The following PPFIBP1 variants were observed in gnomAD, a reference collection of about 807,000 sequenced individuals.
PPFIBP1 encodes liprin-beta-1.
PPFIBP1 carries 112 observed loss-of-function variants against 137.8 expected under a neutral mutation model. The observed-to-expected ratio is 0.81, with a 90% CI of 0.70 to 0.95. The LOEUF (loss-of-function observed/expected upper bound fraction) is 0.95, where lower values mean the gene tolerates loss of function less well. Ranked by LOEUF, PPFIBP1 falls within the 40% of genes least tolerant of loss-of-function variation. The pLI, the probability that PPFIBP1 is intolerant of heterozygous loss-of-function variation, is 0.00. For synonymous variants in PPFIBP1, 378 were observed against 417.3 expected (o/e 0.91, Z 1.15); for missense variants, 1,083 against 1,196.6 (o/e 0.91, Z 1.40).
At chr12:27,670,038 G>A (rs767422459) in intron 13 of PPFIBP1, among the ~76,000 whole-genome samples, 9 of 152,160 alleles carry the variant, frequency 5.9e-5, no homozygotes, top group Non-Finnish European at 1.0e-4. Context: ...TCACTGGTGT[G>A]AGTCTTTATC....
chr12:27,676,403 T>C, intron 17 of PPFIBP1, 25 bp from the exon 18 acceptor site: 1 of 1,451,012 alleles, frequency 6.9e-7, no homozygotes, highest in Non-Finnish European at 9.1e-7. Context: ...TGAGAGCTGT[T>C]TCACTATTCT....
chr12:27,559,883 G>A (rs747885330), intron 1 of PPFIBP1, among the ~76,000 whole-genome samples: 4 of 152,230 alleles, frequency 2.6e-5, no homozygotes, highest in Non-Finnish European at 4.4e-5. Context: ...ATTTTCTAGA[G>A]AGGACATATA....
At chr12:27,649,488 A>G (rs2139594959) in intron 6 of PPFIBP1, among the ~76,000 whole-genome samples, 1 of 152,352 alleles carries the variant, frequency 6.6e-6, no homozygotes, top group Non-Finnish European at 1.5e-5. Flanking sequence ...CTCCCTCAGT[A>G]AACTGACATG....
chr12:27,581,152 C>T (rs191578820), intron 2 of PPFIBP1, among the ~76,000 whole-genome samples: 2 of 152,250 alleles, frequency 1.3e-5, no homozygotes, highest in Admixed American at 1.3e-4. Flanking sequence ...ACCTTGGCCT[C>T]CCACAGTGCT....
At chr12:27,663,624 T>C (rs1481502585) in intron 11 of PPFIBP1, among the ~76,000 whole-genome samples, 1 of 152,126 alleles carries the variant, frequency 6.6e-6, no homozygotes, top group Non-Finnish European at 1.5e-5. Flanking sequence ...ACAGATTACT[T>C]GAGCCCAGGA....
Position 27,682,624 on chromosome 12 carries a change from A to T in PPFIBP1, c.2168A>T (p.Asp723Val), listed in dbSNP as rs764760166. 1.2e-6 allele frequency: 2 copies of T among 1,614,152 alleles called. No homozygotes were observed. The highest frequency in any genetic ancestry group is 2.2e-5 in the South Asian group (2 of 91,090). Reference sequence around the variant, plus strand: ...GGCCTCTCTCTTTTAGGATGGTTGGATGACATTGGCCTCCCTCAATATAAG... The same window carrying T: ...GGCCTCTCTCTTTTAGGATGGTTGGTTGACATTGGCCTCCCTCAATATAAG... ...LDFNWVTRWL[D>V]DIGLPQYKTQ... The change falls in exon 24 of 30, where the codon GAT (aspartate) becomes GTT (valine). Residue 723 changes from aspartate to valine, a missense_variant. Transcript: ENST00000228425.
intron 1 of PPFIBP1, among the ~76,000 whole-genome samples, chr12:27,542,746 C>T (rs1321539974): frequency 6.6e-6 from 1 of 152,138 alleles, no homozygotes; most frequent in Admixed American, 6.6e-5. Context: ...GTGGATAAGT[C>T]ATCTGCATCT....
chr12:27,577,986 G>A (rs1328853014), intron 1 of PPFIBP1, among the ~76,000 whole-genome samples, 166 bp from the exon 2 acceptor site: 2 of 152,070 alleles, frequency 1.3e-5, no homozygotes, highest in Non-Finnish European at 2.9e-5. Context: ...AAGGAGGATA[G>A]GAGAGAAAGG....
At chr12:27,551,479 AG>A (rs2136204785) in intron 1 of PPFIBP1, among the ~76,000 whole-genome samples, 1 of 152,346 alleles carries the variant, frequency 6.6e-6, no homozygotes, top group East Asian at 1.9e-4. Context: ...GAGGTTTAAA[AG>A]GAACATTGTA....
At chr12:27,541,990 C>A (rs1476552707) in intron 1 of PPFIBP1, among the ~76,000 whole-genome samples, 2 of 152,042 alleles carry the variant, frequency 1.3e-5, no homozygotes, top group Non-Finnish European at 2.9e-5. Context: ...CCCTACATAG[C>A]CCTATCTTGG....
At position 27,667,145 on chromosome 12, in the gene PPFIBP1, CTT is replaced by C. The variant is rs776129350; in HGVS notation, c.992-19_992-18del. 3 of 1,533,238 alleles carry C rather than the reference CTT, an allele frequency of 2.0e-6. No homozygotes were observed. Among genetic ancestry groups the C allele is most frequent in the Admixed American group, 2.1e-5 (1 of 47,280 alleles). 95.0% of individuals were successfully genotyped at this position (1,533,238 alleles called of 1,614,324 possible). On this transcript the variant is annotated intron_variant, in intron 12 of 29. Transcript: ENST00000228425. ...AAATCAAAAGCTGCTGTTGTCTTCTCTTTGTTTTATCTTTTCCTAGGCAAAGA... is the reference window on the plus strand; with the variant it reads ...AAATCAAAAGCTGCTGTTGTCTTCTCTGTTTTATCTTTTCCTAGGCAAAGA...
rs543076841 is a variant in PPFIBP1 at position 27,665,092 on chromosome 12, G to T, written c.991+646G>T. Among the ~76,000 whole-genome samples, 3 of 152,276 alleles carry T rather than the reference G, an allele frequency of 2.0e-5. No individual in the cohort carries two copies. In the East Asian group the frequency reaches 5.8e-4, roughly 29 times the overall value. On this transcript the variant is annotated intron_variant, in intron 12 of 29. Coordinates refer to ENST00000228425, the MANE Select transcript of PPFIBP1 (RefSeq NM_003622.4). Reference sequence around the variant, plus strand: ...AGTCCCAGCTACTCAGGAGGCTGAGGCAGGAGAATCGCCTGAACCCGGGAA... The same window carrying T: ...AGTCCCAGCTACTCAGGAGGCTGAGTCAGGAGAATCGCCTGAACCCGGGAA...
chr12:27,600,718 A>G (rs536338015), intron 2 of PPFIBP1, among the ~76,000 whole-genome samples: 23 of 152,328 alleles, frequency 1.5e-4, no homozygotes, highest in Admixed American at 1.5e-3. Flanking sequence ...ACCTTTGAGG[A>G]CAAAAACTTA....
At chr12:27,678,877 A>AAAAAC (rs2060704489) in intron 19 of PPFIBP1, among the ~76,000 whole-genome samples, 9 of 113,302 alleles carry the variant, frequency 7.9e-5, no homozygotes, top group African/African-American at 2.2e-4. Flanking sequence ...AAAAAAAAAA[A>AAAAAC]AAAACATTTA....
At chr12:27,605,046 C>G (rs1266996566) in intron 2 of PPFIBP1, among the ~76,000 whole-genome samples, 1 of 152,088 alleles carries the variant, frequency 6.6e-6, no homozygotes, top group Non-Finnish European at 1.5e-5. Context: ...CAGGTCCCTC[C>G]CACAACACAT....
At chr12:27,607,500 T>A (rs2054638004) in intron 2 of PPFIBP1, among the ~76,000 whole-genome samples, 1 of 152,170 alleles carries the variant, frequency 6.6e-6, no homozygotes, top group Admixed American at 6.5e-5. Flanking sequence ...TAAACTTGAG[T>A]GCACATTAGA....
intron 13 of PPFIBP1, among the ~76,000 whole-genome samples, chr12:27,669,924 A>G (rs898841390): frequency 8.5e-5 from 13 of 152,144 alleles, no homozygotes; most frequent in African/African-American, 3.1e-4. Context: ...GTTGGAGCTC[A>G]AGGGTTGGTG....
intron 2 of PPFIBP1, among the ~76,000 whole-genome samples, chr12:27,610,562 A>G (rs2054989317): frequency 6.6e-6 from 1 of 152,224 alleles, no homozygotes; most frequent in Non-Finnish European, 1.5e-5. Flanking sequence ...AATGGCTTGA[A>G]TTATTTGAGT....
chr12:27,537,140 T>TC lies in PPFIBP1; in HGVS notation c.-124+12775_-124+12776insC, dbSNP rs1212840230. Among the ~76,000 whole-genome samples, 7 of 147,472 alleles carry TC rather than the reference T, an allele frequency of 4.7e-5. 1 individual carries two copies. Among genetic ancestry groups the TC allele is most frequent in the African/African-American group, 1.0e-4 (4 of 38,858 alleles). On this transcript the variant is annotated intron_variant, in intron 1 of 29. Coordinates refer to ENST00000228425, the MANE Select transcript of PPFIBP1 (RefSeq NM_003622.4). ...CTGCAGGTAGTCCCTTCTCTCTCTC[T>TC]TTTTTTTTTGAGACGGAGTCTCTCA...
Sources: allele counts gnomAD v4.1 joint callset (sites outside exome capture counted in the v4.1 genomes callset), GRCh38; gene constraint gnomAD v4.1.1; transcripts MANE v1.5; gene names NCBI Gene and HGNC (gene_info 2026-07-23, HGNC 2026-07-21).